The following MACROD2 variants were observed in gnomAD, a reference collection of about 807,000 sequenced individuals.
MACROD2 encodes the protein mono-ADP ribosylhydrolase 2.
In MACROD2, 36 loss-of-function variants were observed where a neutral mutation model predicts 70.4. The observed-to-expected ratio is 0.51, with a 90% CI of 0.39 to 0.68. The LOEUF is 0.68. Ranked by LOEUF, MACROD2 falls within the 30% of genes least tolerant of loss-of-function variation. The pLI is 0.00. For missense variants in MACROD2, 496 were observed against 538.4 expected (o/e 0.92, Z 0.78); for synonymous variants, 172 against 178.8 (o/e 0.96, Z 0.30).
At chr20:14,573,235 A>G (rs1177819563) in intron 4 of MACROD2, among the ~76,000 whole-genome samples, 1 of 152,052 alleles carries the variant, frequency 6.6e-6, no homozygotes, top group Non-Finnish European at 1.5e-5. Context: ...GTATAGTAAT[A>G]CCTAAGACTT....
chr20:14,740,332 C>T (rs1012563509), intron 5 of MACROD2, among the ~76,000 whole-genome samples: 2 of 152,068 alleles, frequency 1.3e-5, no homozygotes, highest in Middle Eastern at 3.2e-3. Context: ...AACTCAAACG[C>T]TGGTCTGTCT....
chr20:14,260,813 G>A (rs1051153062), intron 3 of MACROD2, among the ~76,000 whole-genome samples: 1 of 152,128 alleles, frequency 6.6e-6, no homozygotes, highest in South Asian at 2.1e-4. Flanking sequence ...AAAGTTCTTA[G>A]GTGAATAATG....
In MACROD2 at chr20:14,142,811, C is replaced by T. The variant is rs544770625; in HGVS notation, c.271+57083C>T. ...AAATTTTTCCTATAGCCAAATACTC[C>T]GTCATTATGAATAAATGTTATCTGA... On this transcript the variant is annotated intron_variant, in intron 3 of 17. Coordinates refer to ENST00000684519, the MANE Select transcript of MACROD2 (RefSeq NM_001351661.2). Among the ~76,000 whole-genome samples, 522 of 152,088 alleles carry T rather than the reference C, an allele frequency of 3.4e-3. 3 individuals carry two copies. The highest frequency in any genetic ancestry group is 0.012 in the African/African-American group (485 of 41,486).
chr20:15,512,392 T>C (rs1398787580), intron 8 of MACROD2, among the ~76,000 whole-genome samples: 3 of 152,276 alleles, frequency 2.0e-5, no homozygotes, highest in African/African-American at 7.2e-5. Flanking sequence ...TCTCTGGATA[T>C]TGCCTTTGAT....
Position 15,531,389 on chromosome 20 carries a change from CTTA to C in MACROD2, c.645+31550_645+31552del, listed in dbSNP as rs773442083. 2.7e-3 allele frequency among the ~76,000 whole-genome samples: 416 copies of C among 151,822 alleles called. 4 individuals carry two copies. Among genetic ancestry groups the C allele is most frequent in the Non-Finnish European group, 3.4e-3 (231 of 67,870 alleles). On this transcript the variant is annotated intron_variant, in intron 8 of 17. Coordinates refer to ENST00000684519, the MANE Select transcript of MACROD2 (RefSeq NM_001351661.2). ...ATTAATATTTTTTCTTCTCCTCCAG[CTTA>C]TTATTATAAAAATCTTCAAATATAG... is the stretch of plus-strand genomic sequence containing the variant.
intron 4 of MACROD2, among the ~76,000 whole-genome samples, chr20:14,512,138 C>A (rs552111434): frequency 6.7e-4 from 102 of 152,164 alleles, no homozygotes; most frequent in African/African-American, 2.3e-3. Flanking sequence ...GTCTATCATC[C>A]ATGATATTAA....
intron 3 of MACROD2, among the ~76,000 whole-genome samples, chr20:14,477,779 T>C (rs895028527): frequency 1.3e-5 from 2 of 152,192 alleles, no homozygotes; most frequent in African/African-American, 2.4e-5. Context: ...AATTGTAATT[T>C]AAAGCAACAT....
chr20:14,410,375 C>G (rs2083737030), intron 3 of MACROD2, among the ~76,000 whole-genome samples: 1 of 152,042 alleles, frequency 6.6e-6, no homozygotes, highest in Admixed American at 6.6e-5. Context: ...TAAATCCTCA[C>G]TCCACTTCCA....
intron 5 of MACROD2, among the ~76,000 whole-genome samples, chr20:15,079,687 A>G (rs1181211404): frequency 6.6e-6 from 1 of 151,988 alleles, no homozygotes; most frequent in African/African-American, 2.4e-5. Context: ...AGTCACCTAG[A>G]AAAAACTCAC....
intron 6 of MACROD2, among the ~76,000 whole-genome samples, chr20:15,371,085 T>G (rs112649888): frequency 1.3e-5 from 2 of 152,274 alleles, no homozygotes; most frequent in African/African-American, 4.8e-5. Flanking sequence ...TAAGTCATCT[T>G]TAAAATTGCT....
At chr20:15,181,081 C>A (rs547346231) in intron 5 of MACROD2, among the ~76,000 whole-genome samples, 5 of 152,198 alleles carry the variant, frequency 3.3e-5, no homozygotes, top group African/African-American at 1.2e-4. Flanking sequence ...TTGACCACAC[C>A]AAAATCAGAG....
chr20:14,473,327 C>T (rs2084552025), intron 3 of MACROD2, among the ~76,000 whole-genome samples: 1 of 152,154 alleles, frequency 6.6e-6, no homozygotes, highest in East Asian at 1.9e-4. Flanking sequence ...TTCCCAGCCG[C>T]TGGTAACCAC....
intron 3 of MACROD2, among the ~76,000 whole-genome samples, chr20:14,395,970 GACT>G (rs1362147421): frequency 6.6e-6 from 1 of 152,144 alleles, no homozygotes; most frequent in African/African-American, 2.4e-5. Flanking sequence ...GCCCAAGGTA[GACT>G]ACAACTCCTG....
At chr20:14,412,521 C>T (rs981189365) in intron 3 of MACROD2, among the ~76,000 whole-genome samples, 13 of 152,058 alleles carry the variant, frequency 8.5e-5, no homozygotes, top group Non-Finnish European at 1.6e-4. Context: ...TTTCAGAATC[C>T]ATAGCCTACA....
intron 8 of MACROD2, among the ~76,000 whole-genome samples, chr20:15,549,568 A>G (rs922650630): frequency 2.0e-5 from 3 of 152,218 alleles, no homozygotes; most frequent in Non-Finnish European, 2.9e-5. Flanking sequence ...TGGATAATGT[A>G]TAATTCAACA....
intron 3 of MACROD2, chr20:14,327,437 G>A: frequency 2.5e-6 from 4 of 1,613,550 alleles, no homozygotes; most frequent in Non-Finnish European, 2.5e-6. Flanking sequence ...ATAACTGATA[G>A]AGGTGCTACT....
intron 3 of MACROD2, among the ~76,000 whole-genome samples, chr20:14,183,059 CCTATTTGTT>C (rs1290217903): frequency 6.9e-6 from 1 of 145,500 alleles, no homozygotes; most frequent in Admixed American, 6.7e-5. Flanking sequence ...ACCTATGTAA[CCTATTTGTT>C]ACATAGGTAA....
chr20:14,373,118 T>C (rs1017160150), intron 3 of MACROD2, among the ~76,000 whole-genome samples: 5 of 152,174 alleles, frequency 3.3e-5, no homozygotes, highest in Admixed American at 6.6e-5. Flanking sequence ...TTGACAGATA[T>C]GTAGGTGAAA....
intron 5 of MACROD2, among the ~76,000 whole-genome samples, chr20:15,045,473 C>G (rs1444981066): frequency 6.6e-6 from 1 of 152,124 alleles, no homozygotes; most frequent in Non-Finnish European, 1.5e-5. Flanking sequence ...AGGCATGTCT[C>G]CACGTTGCGC....
Sources: allele counts gnomAD v4.1 joint callset (sites outside exome capture counted in the v4.1 genomes callset), GRCh38; gene constraint gnomAD v4.1.1; transcripts MANE v1.5; gene names NCBI Gene and HGNC (gene_info 2026-07-23, HGNC 2026-07-21).